Variants in GRIN1 observed in about 807,000 individuals in gnomAD.
GRIN1 encodes glutamate ionotropic receptor NMDA type subunit 1.
GRIN1 carries 38 observed loss-of-function variants against 103.0 expected under a neutral mutation model. The ratio of observed to expected loss-of-function variants is 0.37; its 90% CI spans 0.28 to 0.48. The LOEUF (loss-of-function observed/expected upper bound fraction) is 0.48, where lower values mean the gene tolerates loss of function less well. Among genes scored for constraint, GRIN1 ranks in the 20% least tolerant of loss-of-function variants. The pLI, the probability that GRIN1 is intolerant of heterozygous loss-of-function variation, is 0.98. For synonymous variants in GRIN1, 544 were observed against 532.7 expected (o/e 1.02, Z -0.29); for missense variants, 577 against 1,288.9 (o/e 0.45, Z 8.46).
At chr9:137,142,225 G>C (rs939425683) in intron 2 of GRIN1, 78 bp downstream of exon 2, 4 of 1,471,996 alleles carry the variant, frequency 2.7e-6, no homozygotes, top group Admixed American at 3.4e-5. Flanking sequence ...GCAGCGGGCC[G>C]ACCCGCTCAC....
chr9:137,167,390 A>AT, intron 19 of GRIN1, 21 bp from the exon 20 acceptor site: 1 of 1,549,748 alleles, frequency 6.5e-7, no homozygotes. Context: ...GCGGGTATTG[A>AT]TTGTTGGTTC....
At chr9:137,147,076 G>T (rs1478343706) in intron 3 of GRIN1, among the ~76,000 whole-genome samples, 3 of 8,310 alleles carry the variant, frequency 3.6e-4, no homozygotes, top group Admixed American at 3.7e-3. Flanking sequence ...TCACCCCAGC[G>T]CTCGACAGGC....
At chr9:137,145,651 C>T in intron 2 of GRIN1, 75 bp from the exon 3 acceptor site, 1 of 1,205,296 alleles carries the variant, frequency 8.3e-7, no homozygotes, top group Non-Finnish European at 1.2e-6. Flanking sequence ...GGCGGGTGTT[C>T]CGGCAGTGGG....
At chr9:137,165,376 C>T in intron 19 of GRIN1, 80 bp downstream of exon 19, 1 of 925,394 alleles carries the variant, frequency 1.1e-6, no homozygotes, top group Non-Finnish European at 1.8e-6. Flanking sequence ...ATCACCCCGC[C>T]CCGGACCCTG....
intron 18 of GRIN1, 162 bp downstream of exon 18, chr9:137,164,066 C>A: frequency 2.3e-6 from 2 of 871,142 alleles, no homozygotes; most frequent in Non-Finnish European, 3.7e-6. Context: ...GGCACGGGGG[C>A]AGCACCGGTG....
At chr9:137,166,768 G>C (rs1038848132) in intron 19 of GRIN1, among the ~76,000 whole-genome samples, 1 of 152,254 alleles carries the variant, frequency 6.6e-6, no homozygotes, top group Non-Finnish European at 1.5e-5. Context: ...TGCGGAAAGC[G>C]GGCAGAGCTG....
chr9:137,141,413 A>G (rs1318986019), intron 1 of GRIN1, among the ~76,000 whole-genome samples: 1 of 152,148 alleles, frequency 6.6e-6, no homozygotes, highest in Non-Finnish European at 1.5e-5. Context: ...TGCACCCCCA[A>G]TGCCTCCCTT....
At position 137,161,169 on chromosome 9, in the gene GRIN1, C is replaced by T. The variant is rs778650098; in HGVS notation, c.1311C>T (p.Thr437=). 7 of 1,611,708 alleles carry T rather than the reference C, an allele frequency of 4.3e-6. No homozygotes were observed. The Admixed American group carries it at 6.7e-5, about 15-fold the overall frequency. ...ACCCAGTCAAGAAGGTGATCTGCAC[C>T]GGGCCCAACGACACGTCGCCGGGCA... is the stretch of plus-strand genomic sequence containing the variant. ...NGDPVKKVIC[T]GPNDTSPGSP... The change falls in exon 9 of 20, where the codon ACC becomes ACT. Residue 437 remains threonine, a synonymous_variant. Transcript: ENST00000371561.
Position 137,167,536 on chromosome 9 carries a change from GC to G in GRIN1, c.*12del. ...GTCATAGGGAGAGCTGAGACTCCCC[GC>G]CCGCCCTCCTCTGCCCCCTCCCCCG... On this transcript the variant is annotated 3_prime_UTR_variant, in exon 20 of 20. Transcript: ENST00000371561. 1 of 773,964 alleles carries G rather than the reference GC, an allele frequency of 1.3e-6. No homozygotes were observed. Among genetic ancestry groups the G allele is most frequent in the Non-Finnish European group, 2.0e-6 (1 of 503,666 alleles). 47.9% of individuals were successfully genotyped at this position (773,964 alleles called of 1,614,324 possible).
chr9:137,157,143 C>T (rs955291678), intron 6 of GRIN1, 106 bp downstream of exon 6: 3 of 1,086,612 alleles, frequency 2.8e-6, no homozygotes, highest in African/African-American at 3.2e-5. Flanking sequence ...CGGGGCCACT[C>T]TCCAGAGCTG....
chr9:137,157,134 G>A, intron 6 of GRIN1, 97 bp downstream of exon 6: 1 of 1,098,100 alleles, frequency 9.1e-7, no homozygotes, highest in Non-Finnish European at 1.3e-6. Context: ...GGAGGTGGGC[G>A]GGGCCACTCT....
At chr9:137,149,714 G>A (rs998466947) in intron 4 of GRIN1, among the ~76,000 whole-genome samples, 1 of 152,200 alleles carries the variant, frequency 6.6e-6, no homozygotes, top group African/African-American at 2.4e-5. Context: ...AAGCCTGGGT[G>A]ACTGGGAATA....
At position 137,163,777 on chromosome 9, in the gene GRIN1, C is replaced by G; in HGVS notation, c.2462C>G (p.Ala821Gly). 6.2e-7 allele frequency: 1 copy of G among 1,613,744 alleles called. No homozygotes were observed. Among genetic ancestry groups the G allele is most frequent in the Non-Finnish European group, 8.5e-7 (1 of 1,179,990 alleles). The stretch of plus-strand genomic sequence containing the variant: ...CACACAGGGGTCTTCATGCTGGTAG[C>G]TGGGGGCATCGTGGCCGGGATCTTC... ...ENMAGVFMLV[A>G]GGIVAGIFLI... Residue 821 changes from alanine (A) to glycine (G), a missense_variant, in exon 18 of 20, where the codon GCT becomes GGT. By Grantham distance (60) the Ala-to-Gly change is moderately conservative (BLOSUM62 0). This residue lies in a region of GRIN1 where 13 missense variants were observed against 100.3 expected (regional missense o/e 0.13). Coordinates refer to ENST00000371561, the MANE Select transcript of GRIN1 (RefSeq NM_007327.4).
Position 137,161,851 on chromosome 9 carries a change from T to G in GRIN1, c.1468-73T>G. The stretch of plus-strand genomic sequence containing the variant: ...GACCCCCGGAGTGCTCTAGGGCGGC[T>G]TCAGTCGGGGGTACCTGTGGCGGGA... On this transcript the variant is annotated intron_variant, in intron 10 of 19. Coordinates refer to ENST00000371561, the MANE Select transcript of GRIN1 (RefSeq NM_007327.4). The G allele has an allele frequency of 2.0e-6, 3 of 1,485,808 alleles. No homozygotes were observed. The South Asian group carries it at 3.6e-5, about 18-fold the overall frequency. The allele number at this position is 1,485,808 out of a possible 1,614,324, so 92.0% of individuals were successfully genotyped here.
rs1397409914 is a variant in GRIN1, at chr9:137,158,500, G to A, written c.1090G>A (p.Val364Met). 6.2e-7 allele frequency: 1 copy of A among 1,613,314 alleles called. No individual in the cohort carries two copies. Among genetic ancestry groups the A allele is most frequent in the Non-Finnish European group, 8.5e-7 (1 of 1,179,992 alleles). The change falls in exon 7 of 20, where the codon GTG becomes ATG. Residue 364 changes from valine (V) to methionine (M), a missense_variant. Physicochemically the swap from Val to Met is conservative, Grantham distance 21. Transcript: ENST00000371561. Reference sequence around the variant, plus strand: ...CCTGCAGAACCGCAAGCTGGTGCAAGTGGGCATCTACAATGGCACCCACGT... The same window carrying A: ...CCTGCAGAACCGCAAGCTGGTGCAAATGGGCATCTACAATGGCACCCACGT... ...MNLQNRKLVQVGIYNGTHVIP... is the reference protein window; with the variant it reads ...MNLQNRKLVQMGIYNGTHVIP...
intron 8 of GRIN1, 24 bp from the exon 9 acceptor site, chr9:137,161,032 G>T: frequency 2.5e-6 from 4 of 1,612,330 alleles, no homozygotes; most frequent in Non-Finnish European, 3.4e-6. Flanking sequence ...GGTGGTCCAG[G>T]CTGGGTCTCC....
In GRIN1 at chr9:137,164,707, T is replaced by C. The variant is rs1189694702; in HGVS notation, c.2590-479T>C. The stretch of plus-strand genomic sequence containing the variant: ...GCACAGGCCACCTGGCCATCAGACC[T>C]GAGGCCAGAGTCCCGGGAGCTGCCT... On this transcript the variant is annotated intron_variant, in intron 18 of 19. Transcript: ENST00000371561. 3.8e-5 allele frequency: 8 copies of C among 208,748 alleles called. No homozygotes were observed. The East Asian group carries it at 7.5e-4, about 19-fold the overall frequency. The allele number at this position is 208,748 out of a possible 1,614,324, so 12.9% of individuals were successfully genotyped here. A position where few individuals can be genotyped will look rare whatever the true frequency, so the allele number is the denominator to read the frequency against.
intron 17 of GRIN1, 25 bp downstream of exon 17, chr9:137,163,693 G>A (rs199794579): frequency 3.1e-6 from 5 of 1,613,012 alleles, no homozygotes; most frequent in African/African-American, 1.3e-5. Context: ...ATCCATTCTC[G>A]GGTGGGTTCT....
At position 137,161,432 on chromosome 9, in the gene GRIN1, G is replaced by C. The variant is rs1444956413; in HGVS notation, c.1467+16G>C. The C allele has an allele frequency of 1.2e-6, 2 of 1,607,772 alleles. No individual in the cohort carries two copies. Among genetic ancestry groups the C allele is most frequent in the South Asian group, 2.2e-5 (2 of 90,410 alleles). On this transcript the variant is annotated intron_variant, in intron 10 of 19. Transcript: ENST00000371561. ...ACAGGAGCGGGTAGGCTGGACGGCG[G>C]GGGTGGGGACCAGCGTGAGAGGGGC...
Sources: allele counts gnomAD v4.1 joint callset (sites outside exome capture counted in the v4.1 genomes callset), GRCh38; gene constraint gnomAD v4.1.1; regional missense constraint gnomAD v4.1.1; transcripts MANE v1.5; gene names NCBI Gene and HGNC (gene_info 2026-07-23, HGNC 2026-07-21).